CLOCK: variants seen among roughly 807,000 people sequenced by gnomAD.
CLOCK encodes the protein circadian locomoter output cycles protein kaput.
CLOCK carries 43 observed loss-of-function variants against 118.4 expected under a neutral mutation model. The observed-to-expected ratio is 0.36, with a 90% CI of 0.28 to 0.47. The LOEUF (loss-of-function observed/expected upper bound fraction) is 0.47. Among genes scored for constraint, CLOCK ranks in the 20% least tolerant of loss-of-function variants. The pLI, the probability that CLOCK is intolerant of heterozygous loss-of-function variation, is 1.00. For synonymous variants in CLOCK, 326 were observed against 339.2 expected, an observed-to-expected ratio of 0.96 and a Z score of 0.43; for missense variants, 846 against 999.9, an observed-to-expected ratio of 0.85 and a Z score of 2.08.
intron 1 of CLOCK, among the ~76,000 whole-genome samples, chr4:55,533,161 G>A (rs1730667122): frequency 6.6e-6 from 1 of 152,082 alleles, no homozygotes; most frequent in Admixed American, 6.6e-5. Flanking sequence ...GGACCCCCAA[G>A]TAGCCAAACC....
chr4:55,483,291 A>C (rs1386918916), intron 3 of CLOCK, among the ~76,000 whole-genome samples: 1 of 152,096 alleles, frequency 6.6e-6, no homozygotes, highest in Non-Finnish European at 1.5e-5. Flanking sequence ...AAATAATTAT[A>C]ATAAGAGGTA....
In CLOCK at chr4:55,435,313, C is replaced by T. The variant is rs954166316; in HGVS notation, c.*102G>A. 2 of 1,385,408 alleles carry T rather than the reference C, an allele frequency of 1.4e-6. No homozygotes were observed. The highest frequency in any genetic ancestry group is 2.8e-5 in the African/African-American group (2 of 70,410). 85.8% of individuals were successfully genotyped at this position (1,385,408 alleles called of 1,614,324 possible). The stretch of plus-strand genomic sequence containing the variant: ...AACTAGAACACTCAATACTGCATCT[C>T]ATGAAACTGCTGGAACTTTCCCTCC... On this transcript the variant is annotated 3_prime_UTR_variant, in exon 23 of 23. Transcript: ENST00000513440.
intron 1 of CLOCK, among the ~76,000 whole-genome samples, chr4:55,533,362 T>A (rs1422532857): frequency 6.6e-6 from 1 of 152,100 alleles, no homozygotes; most frequent in Non-Finnish European, 1.5e-5. Context: ...GACTACCCAA[T>A]GGAGAAAAAA....
intron 9 of CLOCK, among the ~76,000 whole-genome samples, chr4:55,460,926 TCC>T (rs1725292115): frequency 8.0e-6 from 1 of 125,638 alleles, no homozygotes; most frequent in African/African-American, 2.9e-5. Context: ...TACTTTCCTC[TCC>T]TTTTTTTTTT....
At chr4:55,490,726 T>C (rs1727617059) in intron 2 of CLOCK, among the ~76,000 whole-genome samples, 1 of 152,232 alleles carries the variant, frequency 6.6e-6, no homozygotes, top group Non-Finnish European at 1.5e-5. Context: ...TATTGGTTTC[T>C]TAAATTTGTA....
intron 1 of CLOCK, among the ~76,000 whole-genome samples, chr4:55,514,998 A>G (rs1729415392): frequency 6.6e-6 from 1 of 152,334 alleles, no homozygotes; most frequent in East Asian, 1.9e-4. Flanking sequence ...GAACTCACCA[A>G]TGAACCCATC....
chr4:55,519,703 G>A (rs1023585585), intron 1 of CLOCK, among the ~76,000 whole-genome samples: 4 of 152,060 alleles, frequency 2.6e-5, no homozygotes, highest in Admixed American at 1.3e-4. Context: ...AATTGAACCC[G>A]GAAAGCGGAG....
Position 55,514,826 on chromosome 4 carries a change from T to C in CLOCK, c.-289-4761A>G, listed in dbSNP as rs534127612. Among the ~76,000 whole-genome samples, 8 of 152,332 alleles carry C rather than the reference T, an allele frequency of 5.3e-5. No individual in the cohort carries two copies. In the East Asian group the frequency reaches 5.8e-4, roughly 11 times the overall value. On this transcript the variant is annotated intron_variant, in intron 1 of 22. Coordinates refer to ENST00000513440, the MANE Select transcript of CLOCK (RefSeq NM_004898.4). ...TTTGCATTTATGTTCATAAGAGATA[T>C]TGGTCTACAGTTTTCTTTTCTTGCA... is the stretch of plus-strand genomic sequence containing the variant.
At chr4:55,467,629 ATTATAC>A (rs1725824741) in intron 8 of CLOCK, among the ~76,000 whole-genome samples, 1 of 152,214 alleles carries the variant, frequency 6.6e-6, no homozygotes, top group African/African-American at 2.4e-5. Context: ...AAAGCATACA[ATTATAC>A]TTATTTTAAA....
intron 4 of CLOCK, among the ~76,000 whole-genome samples, 189 bp from the exon 5 acceptor site, chr4:55,479,888 G>A (rs1436627160): frequency 6.6e-6 from 1 of 152,054 alleles, no homozygotes; most frequent in African/African-American, 2.4e-5. Context: ...ATATTTTTAA[G>A]CTTATTACAT....
rs377311278 is a variant in CLOCK at position 55,432,845 on chromosome 4, T to C, written c.*2570A>G. 3.3e-5 allele frequency: 5 copies of C among 152,544 alleles called. No individual in the cohort carries two copies. Among genetic ancestry groups the C allele is most frequent in the East Asian group, 1.9e-4 (1 of 5,176 alleles). 9.4% of individuals were successfully genotyped at this position (152,544 alleles called of 1,614,324 possible). ...ATCATAAAGGAAAATTTTAATTTTT[T>C]CCCCCGACTATTTGTGGAGATGGGA... On this transcript the variant is annotated 3_prime_UTR_variant, in exon 23 of 23. Transcript: ENST00000513440.
At position 55,475,943 on chromosome 4, in the gene CLOCK, A is replaced by G. The variant is rs1483427001; in HGVS notation, c.348+20T>C. The G allele has an allele frequency of 6.4e-7, 1 of 1,570,972 alleles. No homozygotes were observed. Reference sequence around the variant, plus strand: ...TTTTTTGAGGAAAATAAAACTTTCAAAAATTAAATCTGGACATACCTCTAA... The same window carrying G: ...TTTTTTGAGGAAAATAAAACTTTCAGAAATTAAATCTGGACATACCTCTAA... On this transcript the variant is annotated intron_variant, in intron 7 of 22. Coordinates refer to ENST00000513440, the MANE Select transcript of CLOCK (RefSeq NM_004898.4).
At chr4:55,510,939 A>T (rs1262210550) in intron 1 of CLOCK, among the ~76,000 whole-genome samples, 2 of 152,212 alleles carry the variant, frequency 1.3e-5, no homozygotes, top group Non-Finnish European at 2.9e-5. Flanking sequence ...CTAAAGGCAG[A>T]GCCCATTTTA....
At chr4:55,525,713 A>G (rs1002728143) in intron 1 of CLOCK, among the ~76,000 whole-genome samples, 1 of 151,774 alleles carries the variant, frequency 6.6e-6, no homozygotes, top group African/African-American at 2.4e-5. Flanking sequence ...AAAGTGATCC[A>G]CCCGCCTCGG....
At chr4:55,483,253 T>C (rs1055408184) in intron 3 of CLOCK, among the ~76,000 whole-genome samples, 3 of 152,160 alleles carry the variant, frequency 2.0e-5, no homozygotes, top group Non-Finnish European at 2.9e-5. Context: ...TAGGAAAAAT[T>C]TGCAATTGAG....
chr4:55,453,888 C>T (rs944285485), intron 13 of CLOCK, 64 bp from the exon 14 acceptor site: 39 of 1,217,030 alleles, frequency 3.2e-5, no homozygotes, highest in Admixed American at 3.1e-4. Flanking sequence ...GTTTTTTAAC[C>T]AAAAGCTATC....
At chr4:55,444,352 A>T (rs1723613072) in intron 19 of CLOCK, among the ~76,000 whole-genome samples, 1 of 152,190 alleles carries the variant, frequency 6.6e-6, no homozygotes, top group Admixed American at 6.5e-5. Context: ...AACTTTATGT[A>T]AAATATAATT....
chr4:55,479,789 A>G, intron 4 of CLOCK, 90 bp from the exon 5 acceptor site: 1 of 1,000,256 alleles, frequency 1.0e-6, no homozygotes, highest in Non-Finnish European at 1.6e-6. Flanking sequence ...GTTATGCCCT[A>G]TGATTTTTGT....
intron 6 of CLOCK, among the ~76,000 whole-genome samples, chr4:55,477,577 C>T (rs928905978): frequency 6.6e-6 from 1 of 151,808 alleles, no homozygotes; most frequent in Admixed American, 6.6e-5. Flanking sequence ...GGTAACTTGA[C>T]AAAATGAAAA....
Sources: gnomAD v4.1 joint callset for allele counts (sites outside exome capture counted in the v4.1 genomes callset) on GRCh38, gnomAD v4.1.1 for gene constraint, MANE v1.5 for transcripts, NCBI Gene and HGNC (gene_info 2026-07-23, HGNC 2026-07-21) for gene names.